Variants in CDIN1 observed in about 807,000 individuals in gnomAD.
CDIN1 encodes CDAN1-interacting nuclease 1.
A neutral mutation model predicts 45.3 loss-of-function variants in CDIN1; 33 were observed. The observed-to-expected ratio is 0.73, with a 90% CI of 0.55 to 0.97. The LOEUF (loss-of-function observed/expected upper bound fraction) is 0.97. CDIN1 is among the 50% of genes least tolerant of loss of function. CDIN1 has a pLI of 0.00. For synonymous variants in CDIN1, 118 were observed against 124.4 expected, an observed-to-expected ratio of 0.95 and a Z score of 0.34; for missense variants, 303 against 339.4, an observed-to-expected ratio of 0.89 and a Z score of 0.84.
intron 5 of CDIN1, among the ~76,000 whole-genome samples, chr15:36,675,371 T>G (rs1460364905): frequency 6.6e-6 from 1 of 152,132 alleles, no homozygotes. Flanking sequence ...GGGTACAAAA[T>G]GCAAATCATC....
chr15:36,607,893 G>A (rs1189021470), intron 1 of CDIN1, among the ~76,000 whole-genome samples: 1 of 152,026 alleles, frequency 6.6e-6, no homozygotes, highest in East Asian at 1.9e-4. Context: ...TCAGTCCTAG[G>A]CGATCACTAA....
intron 5 of CDIN1, among the ~76,000 whole-genome samples, chr15:36,659,993 A>G (rs12910089): frequency 0.98 from 128,604 of 131,610 alleles, 62,806 homozygotes; most frequent in Middle Eastern, 0.99. Flanking sequence ...TTCTTAAAGA[A>G]CTTTAAGTTA....
At position 36,682,767 on chromosome 15, in the gene CDIN1, C is replaced by CAA. The variant is rs10706117; in HGVS notation, c.347-8900_347-8899dup. 3.2e-3 allele frequency among the ~76,000 whole-genome samples: 195 copies of CAA among 61,322 alleles called. 1 individual carries two copies. The highest frequency in any genetic ancestry group is 0.011 in the African/African-American group (173 of 15,940). 40.2% of individuals were successfully genotyped at this position (61,322 alleles called of 152,430 possible). A position where few individuals can be genotyped will look rare whatever the true frequency, so the allele number is the denominator to read the frequency against. On this transcript the variant is annotated intron_variant, in intron 5 of 10. Transcript: ENST00000566621. ...CCTAGGCAACAGAGCAAGACCCTGC[C>CAA]AAAAAAAAAAAAAAAAAAAGAAAAA...
At chr15:36,600,582 G>A (rs28642758) in intron 1 of CDIN1, among the ~76,000 whole-genome samples, 14,472 of 152,196 alleles carry the variant, frequency 0.095, 767 homozygotes, top group Middle Eastern at 0.13. Context: ...GTGATTAGGT[G>A]GCTAGAGAGA....
chr15:36,652,642 G>A (rs1990661), intron 3 of CDIN1, among the ~76,000 whole-genome samples: 145,348 of 152,256 alleles, frequency 0.95, 69,383 homozygotes, highest in East Asian at 1. Flanking sequence ...TTTTCCAATT[G>A]GTTTCCCAAA....
Position 36,704,926 on chromosome 15 carries a change from T to A in CDIN1, c.545-4297T>A, listed in dbSNP as rs147311123. On this transcript the variant is annotated intron_variant, in intron 8 of 10. Transcript: ENST00000566621. Reference sequence around the variant, plus strand: ...TCTTGGTGGACCTCATGTCCCCCTGTGATTCTTAAGTATATGTTAACTAGT... The same window carrying A: ...TCTTGGTGGACCTCATGTCCCCCTGAGATTCTTAAGTATATGTTAACTAGT... 17 of 152,306 alleles carry A rather than the reference T, an allele frequency of 1.1e-4. No individual in the cohort carries two copies. The East Asian group carries it at 2.9e-3, about 26-fold the overall frequency. The allele number at this position is 152,306 out of a possible 1,614,324, so 9.4% of individuals were successfully genotyped here.
intron 1 of CDIN1, among the ~76,000 whole-genome samples, chr15:36,632,561 C>T (rs2039722667): frequency 6.6e-6 from 1 of 151,818 alleles, no homozygotes; most frequent in African/African-American, 2.4e-5. Context: ...ACAGTTCCTC[C>T]CCTTGCCCTA....
At chr15:36,720,820 AT>A (rs1595517576) in intron 10 of CDIN1, among the ~76,000 whole-genome samples, 3 of 152,160 alleles carry the variant, frequency 2.0e-5, no homozygotes, top group Admixed American at 6.5e-5. Context: ...GTCAAATGGT[AT>A]TTCCAGTTCT....
intron 10 of CDIN1, chr15:36,747,098 T>C (rs62002346): frequency 6.3e-5 from 25 of 398,064 alleles, no homozygotes; most frequent in Middle Eastern, 6.3e-4. Flanking sequence ...ATTTTCAAAT[T>C]GTTGGAAATT....
At chr15:36,746,984 A>G (rs55896008) in intron 10 of CDIN1, 3 of 398,168 alleles carry the variant, frequency 7.5e-6, no homozygotes, top group African/African-American at 4.1e-5. Context: ...TCCTGGGCTC[A>G]GCGATTCTTC....
intron 1 of CDIN1, among the ~76,000 whole-genome samples, chr15:36,633,643 A>G (rs2039773597): frequency 2.0e-5 from 3 of 152,178 alleles, no homozygotes; most frequent in African/African-American, 7.2e-5. Flanking sequence ...TACATTTATT[A>G]TGTCCTACCG....
chr15:36,661,540 G>T (rs550206564), intron 5 of CDIN1, among the ~76,000 whole-genome samples: 9 of 152,202 alleles, frequency 5.9e-5, no homozygotes, highest in Admixed American at 5.9e-4. Flanking sequence ...TAATTGGAAA[G>T]TGCTGACCAG....
At chr15:36,688,739 G>T in intron 5 of CDIN1, among the ~76,000 whole-genome samples, 1 of 152,198 alleles carries the variant, frequency 6.6e-6, no homozygotes, top group Non-Finnish European at 1.5e-5. Flanking sequence ...AGGTTGTCCA[G>T]TCGCATTTAC....
chr15:36,651,884 T>C (rs1442381521), intron 3 of CDIN1, among the ~76,000 whole-genome samples: 1 of 152,240 alleles, frequency 6.6e-6, no homozygotes. Flanking sequence ...TAGTTATGGT[T>C]TAATCATCTT....
chr15:36,635,061 C>T (rs1364771144), intron 1 of CDIN1, among the ~76,000 whole-genome samples: 1 of 152,138 alleles, frequency 6.6e-6, no homozygotes, highest in African/African-American at 2.4e-5. Flanking sequence ...GAGATGAGGG[C>T]TTGCCAAAGA....
intron 10 of CDIN1, chr15:36,756,008 C>T (rs556960469): frequency 8.8e-6 from 4 of 452,820 alleles, no homozygotes; most frequent in African/African-American, 6.0e-5. Context: ...AGGTCTTTAT[C>T]ACCTCTGTGC....
chr15:36,636,207 A>G (rs751529764), intron 1 of CDIN1, among the ~76,000 whole-genome samples: 3 of 152,184 alleles, frequency 2.0e-5, no homozygotes, highest in African/African-American at 4.8e-5. Flanking sequence ...AAGAGCCACA[A>G]TTTGACTGTT....
At chr15:36,631,323 T>C (rs928040009) in intron 1 of CDIN1, among the ~76,000 whole-genome samples, 1 of 152,208 alleles carries the variant, frequency 6.6e-6, no homozygotes, top group Non-Finnish European at 1.5e-5. Context: ...GTTTTTAGTA[T>C]ATTCACGAAG....
chr15:36,732,316 A>C (rs1034793213), intron 10 of CDIN1, among the ~76,000 whole-genome samples: 2 of 152,088 alleles, frequency 1.3e-5, no homozygotes, highest in African/African-American at 4.8e-5. Flanking sequence ...CTGTACTAGG[A>C]AAAAAACTTA....
Sources: gnomAD v4.1 joint callset for allele counts (sites outside exome capture counted in the v4.1 genomes callset) on GRCh38, gnomAD v4.1.1 for gene constraint, MANE v1.5 for transcripts, NCBI Gene and HGNC (gene_info 2026-07-23, HGNC 2026-07-21) for gene names.